The following CSDE1 variants were observed in gnomAD, a reference collection of about 807,000 sequenced individuals.
CSDE1 encodes the protein cold shock domain-containing protein E1.
Under a neutral mutation model 89.3 loss-of-function variants are expected in CSDE1, and 17 were observed. That is an observed-to-expected ratio of 0.19 (90% CI 0.13 to 0.29). CSDE1 has a LOEUF of 0.29. CSDE1 is among the 10% of genes least tolerant of loss of function. The probability of loss-of-function intolerance (pLI) is 1.00; values close to 1 mark genes in which losing one functional copy is unlikely to be tolerated. For missense variants in CSDE1, 672 were observed against 984.2 expected, an observed-to-expected ratio of 0.68 and a Z score of 4.24; for synonymous variants, 322 against 332.8, an observed-to-expected ratio of 0.97 and a Z score of 0.35.
chr1:114,756,405 T>C (rs944276488), intron 1 of CSDE1, among the ~76,000 whole-genome samples: 6 of 152,150 alleles, frequency 3.9e-5, no homozygotes, highest in African/African-American at 1.4e-4. Context: ...AAGCCCCTCC[T>C]TACCCACACC....
At chr1:114,726,542 T>C (rs1437461974) in intron 13 of CSDE1, among the ~76,000 whole-genome samples, 156 bp from the exon 14 acceptor site, 2 of 152,248 alleles carry the variant, frequency 1.3e-5, no homozygotes, top group African/African-American at 2.4e-5. Context: ...AAAACATTTA[T>C]GTCTCATCCC....
intron 10 of CSDE1, 132 bp from the exon 11 acceptor site, chr1:114,730,780 A>G: frequency 1.9e-6 from 2 of 1,068,888 alleles, no homozygotes; most frequent in South Asian, 3.0e-5. Flanking sequence ...TCCACATTTG[A>G]ACTGTTCTCA....
At position 114,754,359 on chromosome 1, in the gene CSDE1, T is replaced by C. The variant is rs143241024; in HGVS notation, c.-388+3566A>G. ...CAAAGGCCTAGCATAAGCCATGACA[T>C]AGTCGGCACTAAATGAAGAGGTTAA... On this transcript the variant is annotated intron_variant, in intron 1 of 19. Coordinates refer to ENST00000358528, the MANE Select transcript of CSDE1 (RefSeq NM_001007553.3). Among the ~76,000 whole-genome samples the C allele has an allele frequency of 3.1e-3, 471 of 152,368 alleles. 2 individuals are homozygous for C. The highest frequency in any genetic ancestry group is 0.011 in the African/African-American group (443 of 41,590).
chr1:114,738,571 T>C (rs1205171906), intron 3 of CSDE1, among the ~76,000 whole-genome samples: 1 of 151,824 alleles, frequency 6.6e-6, no homozygotes, highest in Non-Finnish European at 1.5e-5. Context: ...TTAGCTATTA[T>C]ACTGACTCTT....
Position 114,718,300 on chromosome 1 carries a change from A to T in CSDE1, c.2350-84T>A. 4.8e-6 allele frequency: 7 copies of T among 1,454,218 alleles called. No individual in the cohort carries two copies. The South Asian group carries it at 8.3e-5, about 17-fold the overall frequency. 90.1% of individuals were successfully genotyped at this position (1,454,218 alleles called of 1,614,324 possible). A position where few individuals can be genotyped will look rare whatever the true frequency, so the allele number is the denominator to read the frequency against. On this transcript the variant is annotated intron_variant, in intron 19 of 19. Transcript: ENST00000358528. The stretch of plus-strand genomic sequence containing the variant: ...AGTACATTCACTATTCCGAAATGAA[A>T]CTACAAAAGCATTATTTTTAATCAT...
In CSDE1 at chr1:114,734,036, T is replaced by C; in HGVS notation, c.664A>G (p.Thr222Ala). The C allele has an allele frequency of 1.2e-6, 2 of 1,613,456 alleles. No homozygotes were observed. The highest frequency in any genetic ancestry group is 1.7e-6 in the Non-Finnish European group (2 of 1,179,930). Residue 222 changes from threonine (T) to alanine (A), a missense_variant, in exon 8 of 20, where the codon ACC becomes GCC. Physicochemically the swap from Thr to Ala is moderately conservative, Grantham distance 58. Around this residue, in one of 8 missense-constraint regions of CSDE1, gnomAD observed 169 missense variants for 262.9 expected, o/e 0.64. Transcript: ENST00000358528. ...TCCACATCATCGCCAGGCTGTAAGGTTTCTAAGTCACCCTTAAATTCACTA... is the reference window on the plus strand; with the variant it reads ...TCCACATCATCGCCAGGCTGTAAGGCTTCTAAGTCACCCTTAAATTCACTA... Reference protein sequence around the residue: ...HYSEFKGDLETLQPGDDVEFT... With the variant: ...HYSEFKGDLEALQPGDDVEFT...
intron 1 of CSDE1, among the ~76,000 whole-genome samples, chr1:114,752,853 T>C (rs993250314): frequency 1.3e-5 from 2 of 152,244 alleles, no homozygotes; most frequent in East Asian, 3.8e-4. Flanking sequence ...TTTTTATGTA[T>C]CTTGTTCCTC....
At chr1:114,722,983 T>C (rs1570894924) in intron 16 of CSDE1, among the ~76,000 whole-genome samples, 1 of 152,346 alleles carries the variant, frequency 6.6e-6, no homozygotes, top group East Asian at 1.9e-4. Context: ...ATTCTCTTTG[T>C]AAACCAAGCC....
chr1:114,727,193 A>G, intron 12 of CSDE1, 103 bp from the exon 13 acceptor site: 3 of 727,152 alleles, frequency 4.1e-6, no homozygotes, highest in Non-Finnish European at 6.7e-6. Flanking sequence ...GGATTGGTAC[A>G]GCTGTAAAAA....
rs190194353 is a variant in CSDE1, at chr1:114,754,619, T to C, written c.-388+3306A>G. Among the ~76,000 whole-genome samples the C allele has an allele frequency of 5.3e-5, 8 of 152,328 alleles. No individual in the cohort carries two copies. The East Asian group carries it at 1.5e-3, about 29-fold the overall frequency. ...GAAAAGTTTCTCTATTGCCTGACAT[T>C]TCATTGAGCACCACATTTTATAACT... On this transcript the variant is annotated intron_variant, in intron 1 of 19. Transcript: ENST00000358528.
At chr1:114,748,168 T>G (rs1014814455) in intron 2 of CSDE1, 2 of 152,222 alleles carry the variant, frequency 1.3e-5, no homozygotes, top group Non-Finnish European at 2.9e-5. Flanking sequence ...AAATTGGAAA[T>G]AAAGTCCTAA....
chr1:114,731,110 T>C (rs922001457), intron 10 of CSDE1, among the ~76,000 whole-genome samples: 3 of 148,732 alleles, frequency 2.0e-5, no homozygotes, highest in Admixed American at 1.3e-4. Context: ...TCTTTTCTCT[T>C]TTTTTTTTTT....
intron 16 of CSDE1, among the ~76,000 whole-genome samples, chr1:114,722,881 A>T (rs541499976): frequency 1.3e-5 from 2 of 152,302 alleles, no homozygotes; most frequent in Admixed American, 6.5e-5. Flanking sequence ...CATGTGGTAA[A>T]GGAATAGGTT....
chr1:114,756,440 C>A (rs1323018251), intron 1 of CSDE1, among the ~76,000 whole-genome samples: 1 of 152,080 alleles, frequency 6.6e-6, no homozygotes, highest in East Asian at 1.9e-4. Context: ...TTGGTTAGTA[C>A]CAAAAGAAAA....
intron 1 of CSDE1, among the ~76,000 whole-genome samples, chr1:114,753,715 G>C (rs886608580): frequency 6.6e-6 from 1 of 152,096 alleles, no homozygotes; most frequent in African/African-American, 2.4e-5. Context: ...ACCAGCCTGG[G>C]CAACATGGTG....
In CSDE1 at chr1:114,730,561, G is replaced by C; in HGVS notation, c.1138C>G (p.Leu380Val). Residue 380 changes from leucine (L) to valine (V), a missense_variant, in exon 11 of 20, where the codon CTG (leucine) becomes GTG (valine). Physicochemically the swap from Leu to Val is conservative, Grantham distance 32. Transcript: ENST00000358528. ...VRMFFHFSEI[L>V]DGNQLHIADE... ...GCAATATGGAGCTGGTTCCCATCCA[G>C]AATTTCACTGAAGTGGAAGAACATA... is the stretch of plus-strand genomic sequence containing the variant. 1 of 1,614,074 alleles carries C rather than the reference G, an allele frequency of 6.2e-7. No individual in the cohort carries two copies. The highest frequency in any genetic ancestry group is 2.2e-5 in the East Asian group (1 of 44,870).
intron 1 of CSDE1, among the ~76,000 whole-genome samples, chr1:114,753,441 A>G (rs1661414227): frequency 6.6e-6 from 1 of 152,226 alleles, no homozygotes; most frequent in African/African-American, 2.4e-5. Context: ...ATGTTTTTCA[A>G]TTAAATTAAC....
intron 5 of CSDE1, 89 bp from the exon 6 acceptor site, chr1:114,736,944 G>A (rs1660436723): frequency 5.2e-6 from 5 of 954,896 alleles, no homozygotes; most frequent in Non-Finnish European, 7.9e-6. Flanking sequence ...CTCTTATACT[G>A]GCATTTTAAG....
rs1347445643 is a variant in CSDE1, at chr1:114,749,942, C to T, written c.-122G>A. The T allele has an allele frequency of 6.6e-6, 1 of 152,476 alleles. No individual in the cohort carries two copies. The highest frequency in any genetic ancestry group is 1.5e-5 in the Non-Finnish European group (1 of 68,016). 9.4% of individuals were successfully genotyped at this position (152,476 alleles called of 1,614,324 possible). A position where few individuals can be genotyped will look rare whatever the true frequency, so the allele number is the denominator to read the frequency against. On this transcript the variant is annotated 5_prime_UTR_variant, in exon 2 of 20. Transcript: ENST00000358528. ...AAAAGAGCGAGAGAAAATGATCTACCAAGCTAATAAAGAATACAACTGCTG... is the reference window on the plus strand; with the variant it reads ...AAAAGAGCGAGAGAAAATGATCTACTAAGCTAATAAAGAATACAACTGCTG...
Sources: allele counts gnomAD v4.1 joint callset (sites outside exome capture counted in the v4.1 genomes callset), GRCh38; gene constraint gnomAD v4.1.1; regional missense constraint gnomAD v4.1.1; transcripts MANE v1.5; gene names NCBI Gene and HGNC (gene_info 2026-07-23, HGNC 2026-07-21).